Variants in UBE2E2 observed in about 807,000 individuals in gnomAD.
The protein encoded by UBE2E2 is ubiquitin-conjugating enzyme E2 E2.
In UBE2E2, 6 loss-of-function variants were observed where a neutral mutation model predicts 24.7. The ratio of observed to expected loss-of-function variants is 0.24; its 90% CI spans 0.13 to 0.48. The LOEUF is 0.48. UBE2E2 is among the 20% of genes least tolerant of loss of function. The probability of loss-of-function intolerance (pLI) is 0.99; values close to 1 mark genes in which losing one functional copy is unlikely to be tolerated. For missense variants in UBE2E2, 169 were observed against 245.0 expected (o/e 0.69, Z 2.07); for synonymous variants, 104 against 83.6 (o/e 1.24, Z -1.33).
chr3:23,273,985 A>G (rs2125365954), intron 3 of UBE2E2: 1 of 152,368 alleles, frequency 6.6e-6, no homozygotes, highest in East Asian at 1.9e-4. Flanking sequence ...TACTGACTGA[A>G]TCATTATTGT....
chr3:23,341,809 A>G lies in UBE2E2; in HGVS notation c.227+124497A>G, dbSNP rs1311652594. Among the ~76,000 whole-genome samples the G allele has an allele frequency of 2.0e-5, 3 of 152,298 alleles. No homozygotes were observed. In the East Asian group the frequency reaches 5.8e-4, roughly 29 times the overall value. ...TCTGGCCAATTTTTTCTTTGTGAAA[A>G]GTAAACAGCAGTCAGCTAGCTGTGT... is the stretch of plus-strand genomic sequence containing the variant. On this transcript the variant is annotated intron_variant, in intron 3 of 5. Transcript: ENST00000396703.
intron 3 of UBE2E2, among the ~76,000 whole-genome samples, chr3:23,497,349 G>A (rs554449231): frequency 2.6e-5 from 4 of 152,258 alleles, no homozygotes; most frequent in Admixed American, 2.0e-4. Flanking sequence ...ATGGCAATAC[G>A]CAATTTGCTG....
At chr3:23,550,493 A>C (rs370687319) in intron 5 of UBE2E2, among the ~76,000 whole-genome samples, 1 of 152,226 alleles carries the variant, frequency 6.6e-6, no homozygotes. Context: ...CAAAACTCCT[A>C]GAGGTCAAAG....
intron 3 of UBE2E2, among the ~76,000 whole-genome samples, chr3:23,491,494 A>AG (rs1194731978): frequency 1.8e-4 from 28 of 152,210 alleles, no homozygotes; most frequent in African/African-American, 6.8e-4. Flanking sequence ...GTTAAGAACT[A>AG]GGGGTCAAAT....
chr3:23,418,370 A>G (rs1189668899), intron 3 of UBE2E2, among the ~76,000 whole-genome samples: 1 of 152,126 alleles, frequency 6.6e-6, no homozygotes, highest in Non-Finnish European at 1.5e-5. Flanking sequence ...CATGGGCTGG[A>G]TCCGCTGTGT....
rs1695226416 is a variant in UBE2E2, at chr3:23,336,897, T to C, written c.227+119585T>C. On this transcript the variant is annotated intron_variant, in intron 3 of 5. Transcript: ENST00000396703. Reference sequence around the variant, plus strand: ...TTGCATGCCTGTAATCCCAGCACTTTGGGAGACTGAGGCGGGTGGATCAGT... The same window carrying C: ...TTGCATGCCTGTAATCCCAGCACTTCGGGAGACTGAGGCGGGTGGATCAGT... 2.6e-5 allele frequency among the ~76,000 whole-genome samples: 4 copies of C among 152,312 alleles called. No homozygotes were observed. In the South Asian group the frequency reaches 6.2e-4, roughly 24 times the overall value.
intron 3 of UBE2E2, among the ~76,000 whole-genome samples, chr3:23,324,248 T>C (rs1532355): frequency 0.48 from 73,186 of 152,024 alleles, 18,130 homozygotes; most frequent in Admixed American, 0.58. Context: ...TTGTATTAGT[T>C]GAATCTGTGA....
At chr3:23,268,865 A>G (rs550318627) in intron 3 of UBE2E2, among the ~76,000 whole-genome samples, 160 of 152,260 alleles carry the variant, frequency 1.1e-3, no homozygotes, top group Middle Eastern at 6.8e-3. Flanking sequence ...ATATAGATCA[A>G]TGGAACAGAA....
chr3:23,241,969 G>C (rs139200864), intron 3 of UBE2E2, among the ~76,000 whole-genome samples: 227 of 152,254 alleles, frequency 1.5e-3, no homozygotes, highest in Non-Finnish European at 2.7e-3. Context: ...GAGCTCAGTG[G>C]CATGATCATA....
chr3:23,332,325 G>A (rs1485993836), intron 3 of UBE2E2, among the ~76,000 whole-genome samples: 3 of 151,958 alleles, frequency 2.0e-5, no homozygotes, highest in Non-Finnish European at 4.4e-5. Context: ...TGTATTTTTA[G>A]TAGAGATGGG....
chr3:23,413,832 C>T (rs1575613456), intron 3 of UBE2E2, among the ~76,000 whole-genome samples: 1 of 152,298 alleles, frequency 6.6e-6, no homozygotes, highest in Middle Eastern at 3.4e-3. Context: ...GCATCCAGTG[C>T]ATACCTGATG....
chr3:23,335,717 A>G (rs770564565), intron 3 of UBE2E2, among the ~76,000 whole-genome samples: 2 of 152,040 alleles, frequency 1.3e-5, no homozygotes, highest in Non-Finnish European at 2.9e-5. Context: ...AAATTTTTGT[A>G]GAGATGGGGT....
At chr3:23,343,001 T>G (rs1695441278) in intron 3 of UBE2E2, among the ~76,000 whole-genome samples, 1 of 152,136 alleles carries the variant, frequency 6.6e-6, no homozygotes, top group Non-Finnish European at 1.5e-5. Context: ...CTTATTCTTT[T>G]GGTAGCATAA....
At chr3:23,534,152 G>C (rs1271735947) in intron 5 of UBE2E2, 65 of 591,866 alleles carry the variant, frequency 1.1e-4, no homozygotes, top group Non-Finnish European at 1.3e-4. Flanking sequence ...TTTTTTTTGA[G>C]GTGATTTCGA....
intron 3 of UBE2E2, among the ~76,000 whole-genome samples, chr3:23,398,980 T>A (rs1697146419): frequency 6.6e-6 from 1 of 152,196 alleles, no homozygotes; most frequent in Non-Finnish European, 1.5e-5. Flanking sequence ...TGGGGATATG[T>A]TCCAAGACCC....
intron 3 of UBE2E2, among the ~76,000 whole-genome samples, chr3:23,237,759 C>G (rs1396350261): frequency 6.6e-6 from 1 of 151,992 alleles, no homozygotes; most frequent in African/African-American, 2.4e-5. Flanking sequence ...CTTTGCTGGG[C>G]CTGCCACCAT....
intron 3 of UBE2E2, among the ~76,000 whole-genome samples, chr3:23,313,710 A>T (rs1369073687): frequency 2.0e-5 from 3 of 150,052 alleles, no homozygotes; most frequent in East Asian, 3.9e-4. Flanking sequence ...CCTTGCATCC[A>T]CTCTGTGTCT....
chr3:23,399,543 CA>C (rs1697166307), intron 3 of UBE2E2, among the ~76,000 whole-genome samples: 1 of 152,066 alleles, frequency 6.6e-6, no homozygotes, highest in African/African-American at 2.4e-5. Context: ...ATTTTAATGA[CA>C]AAAATCACAA....
At chr3:23,401,795 C>G (rs1489093240) in intron 3 of UBE2E2, among the ~76,000 whole-genome samples, 2 of 150,882 alleles carry the variant, frequency 1.3e-5, no homozygotes, top group African/African-American at 2.4e-5. Flanking sequence ...GTTCTCCTAT[C>G]TCAGCCTCCC....
Sources: gnomAD v4.1 joint callset for allele counts (sites outside exome capture counted in the v4.1 genomes callset) on GRCh38, gnomAD v4.1.1 for gene constraint, MANE v1.5 for transcripts, NCBI Gene and HGNC (gene_info 2026-07-23, HGNC 2026-07-21) for gene names.